SGCZ: variants seen among roughly 807,000 people sequenced by gnomAD.
The protein encoded by SGCZ is sarcoglycan zeta, also known as zeta-sarcoglycan.
In SGCZ, 40 loss-of-function variants were observed where a neutral mutation model predicts 41.3. The observed-to-expected ratio is 0.97, with a 90% CI of 0.75 to 1.26. The LOEUF (loss-of-function observed/expected upper bound fraction) is 1.26, where lower values mean the gene tolerates loss of function less well. Among genes scored for constraint, SGCZ ranks in the 50% most tolerant of loss-of-function variants. The pLI is 0.00. For synonymous variants in SGCZ, 206 were observed against 137.5 expected (o/e 1.50, Z -3.49); for missense variants, 552 against 369.8 (o/e 1.49, Z -4.04).
chr8:14,372,826 C>T (rs1466616899), intron 2 of SGCZ, among the ~76,000 whole-genome samples: 1 of 151,796 alleles, frequency 6.6e-6, no homozygotes, highest in Non-Finnish European at 1.5e-5. Flanking sequence ...AAATGAGACC[C>T]GTGAGGTGAT....
At chr8:14,689,187 T>C (rs1808718785) in intron 1 of SGCZ, among the ~76,000 whole-genome samples, 1 of 152,082 alleles carries the variant, frequency 6.6e-6, no homozygotes, top group African/African-American at 2.4e-5. Context: ...AAAAAAGGGC[T>C]TATGCTTTTA....
At chr8:14,538,567 C>T (rs2117143995) in intron 2 of SGCZ, among the ~76,000 whole-genome samples, 1 of 152,048 alleles carries the variant, frequency 6.6e-6, no homozygotes, top group Non-Finnish European at 1.5e-5. Context: ...AGCTGATATA[C>T]TTTCTATGGA....
At chr8:14,141,430 C>G (rs1055905482) in intron 5 of SGCZ, among the ~76,000 whole-genome samples, 2 of 152,176 alleles carry the variant, frequency 1.3e-5, no homozygotes, top group African/African-American at 4.8e-5. Flanking sequence ...TGACAAAGGA[C>G]TACTATCCAG....
At chr8:14,689,954 G>C (rs1808744757) in intron 1 of SGCZ, among the ~76,000 whole-genome samples, 1 of 152,148 alleles carries the variant, frequency 6.6e-6, no homozygotes, top group Non-Finnish European at 1.5e-5. Context: ...AAAAAGTTAT[G>C]TGATAAAGTC....
At chr8:15,174,994 G>A (rs145288139) in intron 1 of SGCZ, among the ~76,000 whole-genome samples, 1 of 152,180 alleles carries the variant, frequency 6.6e-6, no homozygotes, top group East Asian at 1.9e-4. Context: ...AACACCTAAT[G>A]CACGTGGGGC....
intron 5 of SGCZ, among the ~76,000 whole-genome samples, chr8:14,137,926 G>A (rs1803251645): frequency 6.6e-6 from 1 of 152,192 alleles, no homozygotes; most frequent in South Asian, 2.1e-4. Context: ...AGGGCAGCCA[G>A]AGAGAAAGGT....
intron 2 of SGCZ, among the ~76,000 whole-genome samples, chr8:14,540,506 C>CCCTTCCA (rs1481616433): frequency 2.6e-5 from 4 of 151,610 alleles, no homozygotes; most frequent in African/African-American, 9.7e-5. Context: ...TTTTATCAAA[C>CCCTTCCA]CCTTCCACTG....
chr8:14,602,683 T>C (rs898911294), intron 1 of SGCZ, among the ~76,000 whole-genome samples: 9 of 152,222 alleles, frequency 5.9e-5, no homozygotes, highest in Admixed American at 5.9e-4. Context: ...TTCCTTTCTC[T>C]ATGCTTCTCT....
At chr8:14,616,347 A>G (rs1197326280) in intron 1 of SGCZ, among the ~76,000 whole-genome samples, 1 of 152,052 alleles carries the variant, frequency 6.6e-6, no homozygotes, top group East Asian at 1.9e-4. Flanking sequence ...GATCACCATT[A>G]CAATACACTA....
intron 1 of SGCZ, among the ~76,000 whole-genome samples, chr8:14,752,267 C>T (rs1017214620): frequency 2.0e-5 from 3 of 151,760 alleles, no homozygotes; most frequent in African/African-American, 7.3e-5. Context: ...CTGTGTTAAT[C>T]ATTAGAACGC....
chr8:14,667,950 A>G (rs1470967640), intron 1 of SGCZ, among the ~76,000 whole-genome samples: 1 of 152,014 alleles, frequency 6.6e-6, no homozygotes, highest in Non-Finnish European at 1.5e-5. Context: ...CCACCAAGCA[A>G]CCTGGGTTAT....
At chr8:14,274,155 C>A (rs749480492) in intron 3 of SGCZ, among the ~76,000 whole-genome samples, 1 of 152,018 alleles carries the variant, frequency 6.6e-6, no homozygotes, top group African/African-American at 2.4e-5. Context: ...TACACTATTT[C>A]TTATGCTATT....
chr8:14,155,781 G>A (rs1442979885), intron 5 of SGCZ, among the ~76,000 whole-genome samples: 2 of 151,742 alleles, frequency 1.3e-5, no homozygotes, highest in Non-Finnish European at 2.9e-5. Flanking sequence ...GTGATATTCT[G>A]AGAAATGCAT....
At chr8:14,725,138 G>T (rs1341289299) in intron 1 of SGCZ, among the ~76,000 whole-genome samples, 1 of 152,100 alleles carries the variant, frequency 6.6e-6, no homozygotes, top group Non-Finnish European at 1.5e-5. Context: ...TTAACATAAT[G>T]CTGTCCAATT....
chr8:14,268,350 T>C (rs1168259169), intron 3 of SGCZ, among the ~76,000 whole-genome samples: 1 of 139,354 alleles, frequency 7.2e-6, no homozygotes, highest in Admixed American at 7.3e-5. Context: ...TTTAAAAATA[T>C]ATATGTGTAT....
chr8:14,123,101 A>C (rs1253309282), intron 5 of SGCZ, among the ~76,000 whole-genome samples: 1 of 152,196 alleles, frequency 6.6e-6, no homozygotes, highest in Non-Finnish European at 1.5e-5. Context: ...CGTAAGAGAG[A>C]AGATTCAAAC....
At position 14,093,704 on chromosome 8, in the gene SGCZ, G is replaced by C. The variant is rs140998570; in HGVS notation, c.745-3067C>G. On this transcript the variant is annotated intron_variant, in intron 7 of 7. Coordinates refer to ENST00000382080, the MANE Select transcript of SGCZ (RefSeq NM_139167.4). ...GCACACTACAATTAAGCCAGAAAAA[G>C]AATTCATATATCATAAGTATATATA... Among the ~76,000 whole-genome samples the C allele has an allele frequency of 4.8e-3, 724 of 152,092 alleles. 7 individuals are homozygous for C. The highest frequency in any genetic ancestry group is 0.016 in the African/African-American group (672 of 41,520).
intron 1 of SGCZ, among the ~76,000 whole-genome samples, chr8:15,121,482 C>T (rs990864304): frequency 1.6e-4 from 24 of 152,132 alleles, no homozygotes; most frequent in Admixed American, 2.0e-4. Flanking sequence ...ACTGAACACA[C>T]ATGAGGCAAC....
intron 1 of SGCZ, among the ~76,000 whole-genome samples, chr8:15,231,610 C>G (rs895594702): frequency 1.4e-5 from 1 of 72,102 alleles, no homozygotes; most frequent in Admixed American, 1.5e-4. Flanking sequence ...TTAATATATT[C>G]TTTTTTTTTT....
Sources: allele counts gnomAD v4.1 joint callset (sites outside exome capture counted in the v4.1 genomes callset), GRCh38; gene constraint gnomAD v4.1.1; transcripts MANE v1.5; gene names NCBI Gene and HGNC (gene_info 2026-07-23, HGNC 2026-07-21).